The following PIP4K2A variants were observed in gnomAD, a reference collection of about 807,000 sequenced individuals.
PIP4K2A encodes the protein phosphatidylinositol-5-phosphate 4-kinase type 2 alpha, also known as phosphatidylinositol 5-phosphate 4-kinase type-2 alpha.
In PIP4K2A, 14 loss-of-function variants were observed where a neutral mutation model predicts 42.9. The ratio of observed to expected loss-of-function variants is 0.33; its 90% CI spans 0.22 to 0.51. The LOEUF is 0.51. Ranked by LOEUF, PIP4K2A falls within the 20% of genes least tolerant of loss-of-function variation. The probability of loss-of-function intolerance (pLI) is 0.97; values close to 1 mark genes in which losing one functional copy is unlikely to be tolerated. For synonymous variants in PIP4K2A, 192 were observed against 192.2 expected (o/e 1.00, Z 0.01); for missense variants, 434 against 519.8 (o/e 0.83, Z 1.61).
intron 1 of PIP4K2A, among the ~76,000 whole-genome samples, chr10:22,619,371 T>C (rs939324330): frequency 4.0e-5 from 6 of 151,336 alleles, no homozygotes; most frequent in Admixed American, 2.6e-4. Flanking sequence ...TGTACTTTTA[T>C]TTGTCTTGAG....
At chr10:22,667,108 C>T (rs1475844454) in intron 1 of PIP4K2A, among the ~76,000 whole-genome samples, 1 of 152,226 alleles carries the variant, frequency 6.6e-6, no homozygotes, top group Admixed American at 6.5e-5. Context: ...AGAAGTCCTT[C>T]ATCAGAGTCA....
chr10:22,594,889 T>C (rs557909885), intron 3 of PIP4K2A, among the ~76,000 whole-genome samples: 7 of 152,304 alleles, frequency 4.6e-5, no homozygotes, highest in Admixed American at 3.3e-4. Flanking sequence ...ACCTTAAAAA[T>C]TCGAATCTTG....
chr10:22,555,950 C>T (rs186151734), intron 6 of PIP4K2A, among the ~76,000 whole-genome samples: 9 of 151,524 alleles, frequency 5.9e-5, no homozygotes, highest in Non-Finnish European at 1.0e-4. Flanking sequence ...AGAAAGTTTA[C>T]GGATTTGTAC....
At chr10:22,584,168 G>C (rs1222835516) in intron 4 of PIP4K2A, among the ~76,000 whole-genome samples, 1 of 152,100 alleles carries the variant, frequency 6.6e-6, no homozygotes, top group Admixed American at 6.5e-5. Context: ...ACTCTCAGGA[G>C]TAAGTTTTGA....
chr10:22,550,879 C>G (rs775615577), intron 6 of PIP4K2A, 107 bp from the exon 7 acceptor site: 5 of 705,418 alleles, frequency 7.1e-6, no homozygotes, highest in East Asian at 2.5e-5. Context: ...TCACCGCCCC[C>G]ACCCCGTTCA....
At chr10:22,695,488 C>T (rs1839950750) in intron 1 of PIP4K2A, among the ~76,000 whole-genome samples, 1 of 152,114 alleles carries the variant, frequency 6.6e-6, no homozygotes. Flanking sequence ...CCAGTACAAT[C>T]AATATTTCTT....
chr10:22,666,549 T>A (rs1839356555), intron 1 of PIP4K2A, among the ~76,000 whole-genome samples: 1 of 152,194 alleles, frequency 6.6e-6, no homozygotes, highest in East Asian at 1.9e-4. Flanking sequence ...GCTCTAAAAT[T>A]CTACTCAGAA....
At chr10:22,592,046 AACTT>A in intron 3 of PIP4K2A, among the ~76,000 whole-genome samples, 1 of 152,360 alleles carries the variant, frequency 6.6e-6, no homozygotes, top group Non-Finnish European at 1.5e-5. Context: ...TAATCAAAGT[AACTT>A]TAATCACTTA....
chr10:22,591,797 A>G lies in PIP4K2A; in HGVS notation c.340-16T>C. 1 of 1,597,392 alleles carries G rather than the reference A, an allele frequency of 6.3e-7. No individual in the cohort carries two copies. The highest frequency in any genetic ancestry group is 8.5e-7 in the Non-Finnish European group (1 of 1,170,616). On this transcript the variant is annotated splice_polypyrimidine_tract_variant and intron_variant, in intron 3 of 9. Transcript: ENST00000376573. ...TCAGGGAATTCTTCCCGGGTGGGGT[A>G]AGAGGGGAAGGAAGGCGGGGGAAGA...
intron 1 of PIP4K2A, among the ~76,000 whole-genome samples, chr10:22,668,181 A>G (rs1279883467): frequency 6.6e-6 from 1 of 152,124 alleles, no homozygotes; most frequent in African/African-American, 2.4e-5. Flanking sequence ...TGAACTCCTG[A>G]CCTCGTGATC....
At chr10:22,653,565 C>T (rs1046074219) in intron 1 of PIP4K2A, among the ~76,000 whole-genome samples, 2 of 152,170 alleles carry the variant, frequency 1.3e-5, no homozygotes, top group East Asian at 1.9e-4. Flanking sequence ...GAGGTAGGGC[C>T]CTGGTGCTTT....
At chr10:22,616,245 A>G (rs767160669) in intron 1 of PIP4K2A, among the ~76,000 whole-genome samples, 3 of 151,962 alleles carry the variant, frequency 2.0e-5, no homozygotes, top group Non-Finnish European at 4.4e-5. Context: ...AGCCGGGGAG[A>G]GCTCCTCAGG....
At chr10:22,542,536 T>C (rs1836148979) in intron 7 of PIP4K2A, among the ~76,000 whole-genome samples, 1 of 152,212 alleles carries the variant, frequency 6.6e-6, no homozygotes, top group African/African-American at 2.4e-5. Context: ...TAAGTAAAAG[T>C]AAAGGCACTG....
chr10:22,621,690 T>C (rs895998678), intron 1 of PIP4K2A, among the ~76,000 whole-genome samples: 4 of 152,212 alleles, frequency 2.6e-5, no homozygotes, highest in African/African-American at 4.8e-5. Context: ...GTGACAGCTG[T>C]GCATTCAGAA....
intron 1 of PIP4K2A, among the ~76,000 whole-genome samples, chr10:22,666,491 A>G (rs760350408): frequency 6.6e-6 from 1 of 152,232 alleles, no homozygotes; most frequent in Non-Finnish European, 1.5e-5. Context: ...TTGAAAAATT[A>G]TCGATCCCAA....
intron 4 of PIP4K2A, 79 bp from the exon 5 acceptor site, chr10:22,573,536 T>A: frequency 7.9e-7 from 1 of 1,263,642 alleles, no homozygotes; most frequent in Non-Finnish European, 1.1e-6. Context: ...CATACGCCTA[T>A]GGTGTTCATA....
intron 1 of PIP4K2A, among the ~76,000 whole-genome samples, chr10:22,692,572 G>C (rs1214586963): frequency 2.6e-5 from 4 of 152,172 alleles, no homozygotes; most frequent in African/African-American, 9.7e-5. Context: ...TTCTGTGAAA[G>C]GGGTAGGCAC....
chr10:22,584,342 C>A (rs573766751), intron 4 of PIP4K2A, among the ~76,000 whole-genome samples: 1 of 150,462 alleles, frequency 6.6e-6, no homozygotes, highest in South Asian at 2.1e-4. Flanking sequence ...AAGATTAGAA[C>A]AGTTGAAGAG....
chr10:22,638,317 T>G (rs1838709833), intron 1 of PIP4K2A, among the ~76,000 whole-genome samples: 1 of 152,236 alleles, frequency 6.6e-6, no homozygotes, highest in Non-Finnish European at 1.5e-5. Flanking sequence ...CTCTCCCCTT[T>G]CTTTGAACAA....
Sources: allele counts gnomAD v4.1 joint callset (sites outside exome capture counted in the v4.1 genomes callset), GRCh38; gene constraint gnomAD v4.1.1; transcripts MANE v1.5; gene names NCBI Gene and HGNC (gene_info 2026-07-23, HGNC 2026-07-21).